Variants in DENND1A observed in about 807,000 individuals in gnomAD.
The protein encoded by DENND1A is DENN domain-containing protein 1A.
A neutral mutation model predicts 113.7 loss-of-function variants in DENND1A; 51 were observed. The ratio of observed to expected loss-of-function variants is 0.45; its 90% CI spans 0.36 to 0.57. The LOEUF is 0.57. Among genes scored for constraint, DENND1A ranks in the 20% least tolerant of loss-of-function variants. The pLI is 0.00. For missense variants in DENND1A, 1,258 were observed against 1,395.9 expected, an observed-to-expected ratio of 0.90 and a Z score of 1.57; for synonymous variants, 565 against 570.8, an observed-to-expected ratio of 0.99 and a Z score of 0.14.
intron 19 of DENND1A, among the ~76,000 whole-genome samples, chr9:123,432,158 G>A (rs969331027): frequency 2.0e-5 from 3 of 152,168 alleles, no homozygotes; most frequent in Non-Finnish European, 2.9e-5. Context: ...CATAGCTCCC[G>A]AATGTTCAAC....
intron 18 of DENND1A, among the ~76,000 whole-genome samples, chr9:123,445,344 G>A (rs1033640961): frequency 1.3e-5 from 2 of 152,266 alleles, no homozygotes; most frequent in Non-Finnish European, 2.9e-5. Context: ...CTGCGGCCCA[G>A]CGGCCAGGGC....
intron 8 of DENND1A, among the ~76,000 whole-genome samples, chr9:123,654,855 C>T (rs2062848580): frequency 6.6e-6 from 1 of 152,178 alleles, no homozygotes; most frequent in African/African-American, 2.4e-5. Flanking sequence ...CTGGGAACCT[C>T]GCTCAGCCGT....
At chr9:123,413,994 G>A (rs190302312) in intron 19 of DENND1A, 23 of 988,434 alleles carry the variant, frequency 2.3e-5, no homozygotes, top group African/African-American at 8.7e-5. Context: ...TTTCTACTTC[G>A]GGGGAACCAT....
chr9:123,598,643 C>CT (rs1221688494), intron 11 of DENND1A, among the ~76,000 whole-genome samples: 1 of 152,110 alleles, frequency 6.6e-6, no homozygotes, highest in Non-Finnish European at 1.5e-5. Context: ...TCCAAATTCT[C>CT]TTATTTTTAA....
chr9:123,540,251 ATCC>A (rs1447999366), intron 13 of DENND1A, among the ~76,000 whole-genome samples: 1 of 152,220 alleles, frequency 6.6e-6, no homozygotes, highest in Non-Finnish European at 1.5e-5. Context: ...CTTCACACCA[ATCC>A]TGTGAGGCAG....
At chr9:123,387,898 T>C (rs766872067) in intron 21 of DENND1A, 40 bp from the exon 22 acceptor site, 38 of 1,280,990 alleles carry the variant, frequency 3.0e-5, no homozygotes, top group Non-Finnish European at 3.6e-5. Flanking sequence ...AACAGGCAGT[T>C]AGGGGCGCCC....
intron 21 of DENND1A, among the ~76,000 whole-genome samples, chr9:123,395,470 G>C (rs10986003): frequency 0.65 from 74,001 of 112,992 alleles, 20,573 homozygotes; most frequent in East Asian, 0.72. Flanking sequence ...CTCTCTCTCT[G>C]TGTGTGTGTG....
intron 12 of DENND1A, among the ~76,000 whole-genome samples, chr9:123,575,088 C>T (rs1032194546): frequency 1.3e-5 from 2 of 152,118 alleles, no homozygotes; most frequent in Non-Finnish European, 2.9e-5. Flanking sequence ...AACAGCAGTC[C>T]CACGACCTTT....
At chr9:123,645,411 A>G (rs2139204606) in intron 9 of DENND1A, among the ~76,000 whole-genome samples, 1 of 152,342 alleles carries the variant, frequency 6.6e-6, no homozygotes, top group Admixed American at 6.5e-5. Context: ...TGGCCTTTGC[A>G]TATCCCCCTC....
At chr9:123,544,540 G>A (rs2056518233) in intron 13 of DENND1A, among the ~76,000 whole-genome samples, 1 of 152,208 alleles carries the variant, frequency 6.6e-6, no homozygotes, top group East Asian at 1.9e-4. Flanking sequence ...AGAGAAAAGA[G>A]CATGGTCACC....
At chr9:123,754,657 A>G (rs558283243) in intron 5 of DENND1A, among the ~76,000 whole-genome samples, 1 of 152,312 alleles carries the variant, frequency 6.6e-6, no homozygotes, top group African/African-American at 2.4e-5. Context: ...TAGGAATTCA[A>G]TTAAGAACTG....
intron 1 of DENND1A, among the ~76,000 whole-genome samples, chr9:123,903,700 G>A (rs796250862): frequency 7.9e-5 from 12 of 152,316 alleles, no homozygotes; most frequent in East Asian, 3.9e-4. Flanking sequence ...ATTATATCCC[G>A]CACCTGGCTC....
At chr9:123,608,028 C>T (rs1368030279) in intron 11 of DENND1A, among the ~76,000 whole-genome samples, 2 of 152,044 alleles carry the variant, frequency 1.3e-5, no homozygotes, top group Non-Finnish European at 1.5e-5. Context: ...TGAATAGACC[C>T]CCAAACTTGA....
chr9:123,396,514 G>A (rs1275330274), intron 21 of DENND1A, among the ~76,000 whole-genome samples: 1 of 152,260 alleles, frequency 6.6e-6, no homozygotes, highest in Admixed American at 6.5e-5. Flanking sequence ...CAAGCGGCAC[G>A]CCAGCTTTTG....
chr9:123,712,848 G>A (rs1478460095), intron 5 of DENND1A, among the ~76,000 whole-genome samples: 1 of 152,200 alleles, frequency 6.6e-6, no homozygotes, highest in Non-Finnish European at 1.5e-5. Context: ...TTCTGCCTTC[G>A]ATATTTCCAA....
intron 5 of DENND1A, among the ~76,000 whole-genome samples, chr9:123,727,191 C>T (rs2067771266): frequency 6.6e-6 from 1 of 152,114 alleles, no homozygotes; most frequent in Non-Finnish European, 1.5e-5. Flanking sequence ...AATGAGAGTA[C>T]CAGCTGCTCT....
intron 2 of DENND1A, among the ~76,000 whole-genome samples, chr9:123,804,356 C>T (rs992401412): frequency 6.6e-6 from 1 of 152,174 alleles, no homozygotes; most frequent in African/African-American, 2.4e-5. Flanking sequence ...GTCTTTATAG[C>T]AGCATGAAAA....
At chr9:123,903,585 C>G (rs1331320377) in intron 1 of DENND1A, among the ~76,000 whole-genome samples, 1 of 152,152 alleles carries the variant, frequency 6.6e-6, no homozygotes, top group Non-Finnish European at 1.5e-5. Flanking sequence ...AGGGAGTTCC[C>G]TTTCCGAGTC....
intron 13 of DENND1A, among the ~76,000 whole-genome samples, chr9:123,492,348 T>C (rs1411104815): frequency 1.3e-5 from 2 of 152,170 alleles, no homozygotes; most frequent in Non-Finnish European, 2.9e-5. Context: ...GAGGGAAGCG[T>C]GTGCTGAGCC....
Sources: gnomAD v4.1 joint callset for allele counts (sites outside exome capture counted in the v4.1 genomes callset) on GRCh38, gnomAD v4.1.1 for gene constraint, MANE v1.5 for transcripts, NCBI Gene and HGNC (gene_info 2026-07-23, HGNC 2026-07-21) for gene names.